The following RASGRP3 variants were observed in gnomAD, a reference collection of about 807,000 sequenced individuals.
RASGRP3 encodes ras guanyl-releasing protein 3.
A neutral mutation model predicts 82.7 loss-of-function variants in RASGRP3; 54 were observed. The observed-to-expected ratio is 0.65, with a 90% confidence interval of 0.52 to 0.82. The LOEUF (loss-of-function observed/expected upper bound fraction) is 0.82. Among genes scored for constraint, RASGRP3 ranks in the 40% least tolerant of loss-of-function variants. RASGRP3 has a pLI of 0.00. For synonymous variants in RASGRP3, 309 were observed against 300.5 expected (o/e 1.03, Z -0.29); for missense variants, 861 against 828.9 (o/e 1.04, Z -0.48).
chr2:33,485,408 T>G (rs896945428), intron 1 of RASGRP3, among the ~76,000 whole-genome samples: 1 of 152,216 alleles, frequency 6.6e-6, no homozygotes, highest in Non-Finnish European at 1.5e-5. Flanking sequence ...CAGAACACAC[T>G]CAGTTTTTAT....
At chr2:33,511,008 ACGTC>A (rs1475406854) in intron 1 of RASGRP3, among the ~76,000 whole-genome samples, 2 of 152,222 alleles carry the variant, frequency 1.3e-5, no homozygotes, top group African/African-American at 4.8e-5. Flanking sequence ...ATGTTAATGA[ACGTC>A]CTTTTGCTAC....
In RASGRP3 at chr2:33,563,473, C is replaced by G. The variant is rs1019679573; in HGVS notation, c.*736C>G. 1 of 152,142 alleles carries G rather than the reference C, an allele frequency of 6.6e-6. No individual in the cohort carries two copies. Among genetic ancestry groups the G allele is most frequent in the Non-Finnish European group, 1.5e-5 (1 of 68,006 alleles). 9.4% of individuals were successfully genotyped at this position (152,142 alleles called of 1,614,324 possible). ...CATGGTCGTGAAAGCTCTCCTAATA[C>G]TTACTTAAATAGCCATGGAAGAAAA... On this transcript the variant is annotated 3_prime_UTR_variant, in exon 18 of 18. Coordinates refer to ENST00000403687, the MANE Select transcript of RASGRP3 (RefSeq NM_001139488.2).
In RASGRP3 at chr2:33,481,625, T is replaced by C. The variant is rs958570496; in HGVS notation, c.-261+4918T>C. 3 of 152,254 alleles carry C rather than the reference T, an allele frequency of 2.0e-5. No homozygotes were observed. The East Asian group carries it at 5.8e-4, about 29-fold the overall frequency. 9.4% of individuals were successfully genotyped at this position (152,254 alleles called of 1,614,324 possible). On this transcript the variant is annotated intron_variant, in intron 1 of 17. Transcript: ENST00000403687. ...CCGATTTGCGACATGCCACTCATGA[T>C]ATTTCCAAAGCCTATGGACATTTGA...
intron 13 of RASGRP3, 40 bp from the exon 14 acceptor site, chr2:33,549,563 GT>G (rs766840355): frequency 6.3e-7 from 1 of 1,579,146 alleles, no homozygotes; most frequent in Non-Finnish European, 8.6e-7. Flanking sequence ...TTAGCAACCT[GT>G]TATTTAAAGA....
intron 11 of RASGRP3, among the ~76,000 whole-genome samples, chr2:33,537,320 A>C (rs867943393): frequency 0.04 from 1,304 of 32,948 alleles, 35 homozygotes; most frequent in African/African-American, 0.14. Context: ...ACACACACAC[A>C]CCGCCCCCCC....
intron 1 of RASGRP3, among the ~76,000 whole-genome samples, chr2:33,510,015 A>G (rs1670784149): frequency 6.6e-6 from 1 of 152,256 alleles, no homozygotes; most frequent in African/African-American, 2.4e-5. Context: ...CAGAACAATG[A>G]ATGCTGACAT....
At chr2:33,513,975 A>G (rs540076788) in intron 2 of RASGRP3, 1 of 152,324 alleles carries the variant, frequency 6.6e-6, no homozygotes, top group East Asian at 1.9e-4. Context: ...GCTTTATTTT[A>G]TAGTGGAGTC....
In RASGRP3 at chr2:33,523,889, A is replaced by G. The variant is rs1043302019; in HGVS notation, c.527A>G (p.Tyr176Cys). The G allele has an allele frequency of 6.2e-7, 1 of 1,610,916 alleles. No homozygotes were observed. The highest frequency in any genetic ancestry group is 1.7e-5 in the Admixed American group (1 of 59,896). ...ATCTTCCTTTCCTAGTTCACTGATT[A>G]CCAAAGCTATGTCATCCATGGCTGC... ...KSFRRISFTD[Y>C]QSYVIHGCLE... Residue 176 changes from tyrosine (Y) to cysteine (C), a missense_variant, in exon 8 of 18, where the codon TAC (tyrosine) becomes TGC (cysteine). Physicochemically the swap from Tyr to Cys is radical, Grantham distance 194. Coordinates refer to ENST00000403687, the MANE Select transcript of RASGRP3 (RefSeq NM_001139488.2).
chr2:33,493,200 G>A (rs907753693), intron 1 of RASGRP3: 1 of 152,120 alleles, frequency 6.6e-6, no homozygotes, highest in African/African-American at 2.4e-5. Context: ...GCTAAAATTG[G>A]AGCTACCTGA....
chr2:33,527,144 A>G lies in RASGRP3; in HGVS notation c.815A>G (p.Asn272Ser), dbSNP rs1417056708. The G allele has an allele frequency of 1.2e-6, 2 of 1,614,016 alleles. No individual in the cohort carries two copies. The change falls in exon 10 of 18, where the codon AAT becomes AGT. Residue 272 changes from asparagine to serine, a missense_variant. Coordinates refer to ENST00000403687, the MANE Select transcript of RASGRP3 (RefSeq NM_001139488.2). ...TTTTCCATCTGTTCCCAGAACTGGAATGAAATGACAGAGTTGGTCTCCTCC... is the reference window on the plus strand; with the variant it reads ...TTTTCCATCTGTTCCCAGAACTGGAGTGAAATGACAGAGTTGGTCTCCTCC... ...HLSSEVTKNW[N>S]EMTELVSSNG...
chr2:33,449,456 C>A (rs1665669070), intron 2 of RASGRP3, among the ~76,000 whole-genome samples: 1 of 152,044 alleles, frequency 6.6e-6, no homozygotes, highest in Non-Finnish European at 1.5e-5. Context: ...TATTTCATGA[C>A]ATTGGAATAT....
At chr2:33,483,855 G>T (rs1668144872) in intron 1 of RASGRP3, among the ~76,000 whole-genome samples, 1 of 152,164 alleles carries the variant, frequency 6.6e-6, no homozygotes, top group African/African-American at 2.4e-5. Context: ...TTGAGTGTAT[G>T]TATGCAGTTT....
Position 33,522,102 on chromosome 2 carries a change from A to C in RASGRP3, c.516A>C (p.Ser172=), listed in dbSNP as rs1672091507. The change falls in exon 7 of 18, where the codon TCA becomes TCC. Residue 172 remains serine, a splice_region_variant and synonymous_variant. Transcript: ENST00000403687. The stretch of plus-strand genomic sequence containing the variant: ...AGCATAAATCTTTTAGAAGGATCTC[A>C]GTAAGAAACTTGACATTTATTCTTC... ...FLEHKSFRRI[S]FTDYQSYVIH... 1.3e-6 allele frequency: 2 copies of C among 1,598,392 alleles called. No individual in the cohort carries two copies. Among genetic ancestry groups the C allele is most frequent in the East Asian group, 4.5e-5 (2 of 44,820 alleles).
At chr2:33,532,642 G>C (rs1021933606) in intron 10 of RASGRP3, 1 of 152,160 alleles carries the variant, frequency 6.6e-6, no homozygotes. Flanking sequence ...AGGGGAAGGT[G>C]AATACGATGT....
At chr2:33,513,154 G>A (rs377661980) in intron 2 of RASGRP3, among the ~76,000 whole-genome samples, 8 of 152,166 alleles carry the variant, frequency 5.3e-5, no homozygotes, top group African/African-American at 9.6e-5. Context: ...TTGATCCAGC[G>A]TTTCTGCTGT....
intron 2 of RASGRP3, among the ~76,000 whole-genome samples, chr2:33,464,653 A>T (rs1180433819): frequency 1.3e-5 from 2 of 151,622 alleles, no homozygotes; most frequent in African/African-American, 4.8e-5. Flanking sequence ...CTTTTCTTAC[A>T]TTTTGAAGAG....
chr2:33,558,155 A>G, intron 15 of RASGRP3, 56 bp from the exon 16 acceptor site: 5 of 1,579,228 alleles, frequency 3.2e-6, no homozygotes, highest in Non-Finnish European at 4.3e-6. Context: ...GCCACCCTGG[A>G]AACTGAATCA....
chr2:33,556,890 T>TACACAC (rs58614411), intron 15 of RASGRP3, among the ~76,000 whole-genome samples: 17,935 of 130,710 alleles, frequency 0.14, 1,377 homozygotes, highest in Middle Eastern at 0.2. Context: ...TACCCTAAAA[T>TACACAC]ACACACACAC....
In RASGRP3 at chr2:33,520,040, C is replaced by A. The variant is rs1425536644; in HGVS notation, c.236+26C>A. 17 of 1,529,362 alleles carry A rather than the reference C, an allele frequency of 1.1e-5. 1 individual carries two copies. In the Middle Eastern group the frequency reaches 5.1e-4, roughly 45 times the overall value. 94.7% of individuals were successfully genotyped at this position (1,529,362 alleles called of 1,614,324 possible). A position where few individuals can be genotyped will look rare whatever the true frequency, so the allele number is the denominator to read the frequency against. The stretch of plus-strand genomic sequence containing the variant: ...GTAAATATATTTACAAATTTAATTT[C>A]TTGTAGTTTCTGGTTCTGGAATCGT... On this transcript the variant is annotated intron_variant, in intron 5 of 17. Coordinates refer to ENST00000403687, the MANE Select transcript of RASGRP3 (RefSeq NM_001139488.2).
Sources: allele counts gnomAD v4.1 joint callset (sites outside exome capture counted in the v4.1 genomes callset), GRCh38; gene constraint gnomAD v4.1.1; transcripts MANE v1.5; gene names NCBI Gene and HGNC (gene_info 2026-07-23, HGNC 2026-07-21).